Variants in THSD7B observed in about 807,000 individuals in gnomAD.
THSD7B encodes thrombospondin type 1 domain containing 7B.
Under a neutral mutation model 213.6 loss-of-function variants are expected in THSD7B, and 138 were observed. The observed-to-expected ratio is 0.65, with a 90% CI of 0.56 to 0.74. The LOEUF (loss-of-function observed/expected upper bound fraction) is 0.74, where lower values mean the gene tolerates loss of function less well. Ranked by LOEUF, THSD7B falls within the 30% of genes least tolerant of loss-of-function variation. THSD7B has a pLI of 0.00. For missense variants in THSD7B, 1,931 were observed against 1,991.5 expected, an observed-to-expected ratio of 0.97 and a Z score of 0.58; for synonymous variants, 742 against 687.0, an observed-to-expected ratio of 1.08 and a Z score of -1.25.
rs1391162944 is a variant in THSD7B, at chr2:137,057,134, A to G, written c.854A>G (p.Lys285Arg). The G allele has an allele frequency of 6.2e-7, 1 of 1,614,004 alleles. No individual in the cohort carries two copies. The highest frequency in any genetic ancestry group is 1.1e-5 in the South Asian group (1 of 91,076). Residue 285 changes from lysine to arginine, a missense_variant, in exon 3 of 28, where the codon AAA (lysine) becomes AGA (arginine). By Grantham distance (26) the Lys-to-Arg change is conservative (BLOSUM62 2). Transcript: ENST00000409968. ...ERVTFKHQSY[K>R]AHHHSKSWAI... is the part of the protein sequence containing the mutation. ...GTCACCTTTAAACATCAAAGTTACA[A>G]AGCACATCATCATTCGAAGTCTTGG...
chr2:137,109,184 G>A (rs1688304080), intron 4 of THSD7B, among the ~76,000 whole-genome samples: 1 of 151,948 alleles, frequency 6.6e-6, no homozygotes, highest in African/African-American at 2.4e-5. Context: ...CACCTCCCTG[G>A]CTCCCACAGC....
At chr2:137,433,765 A>G (rs1024925219) in intron 14 of THSD7B, among the ~76,000 whole-genome samples, 1 of 152,094 alleles carries the variant, frequency 6.6e-6, no homozygotes, top group Non-Finnish European at 1.5e-5. Flanking sequence ...TAAAATGTAT[A>G]CTTTATATAA....
intron 12 of THSD7B, among the ~76,000 whole-genome samples, chr2:137,401,502 T>C (rs1686360165): frequency 6.6e-6 from 1 of 152,218 alleles, no homozygotes; most frequent in Admixed American, 6.5e-5. Context: ...AACTTTTTAG[T>C]GTTTTCATTT....
chr2:137,411,991 A>G (rs982292058), intron 14 of THSD7B, 119 bp downstream of exon 14: 10 of 1,165,762 alleles, frequency 8.6e-6, no homozygotes, highest in African/African-American at 3.1e-5. Context: ...TCCTTTGTCA[A>G]TAACACATTG....
chr2:137,575,537 C>A (rs1340866829), intron 17 of THSD7B, among the ~76,000 whole-genome samples: 1 of 151,842 alleles, frequency 6.6e-6, no homozygotes, highest in Non-Finnish European at 1.5e-5. Context: ...AATTGCAAAC[C>A]ATACAGAAGA....
chr2:136,936,478 T>A (rs938873315), intron 2 of THSD7B, among the ~76,000 whole-genome samples: 1 of 152,214 alleles, frequency 6.6e-6, no homozygotes, highest in African/African-American at 2.4e-5. Context: ...TATGATGGAA[T>A]ACTACTCAGC....
At chr2:137,363,754 C>A (rs1019819599) in intron 12 of THSD7B, among the ~76,000 whole-genome samples, 1 of 152,156 alleles carries the variant, frequency 6.6e-6, no homozygotes, top group Non-Finnish European at 1.5e-5. Flanking sequence ...CAATAGCATA[C>A]CAACCAAAAA....
At chr2:137,625,028 A>G (rs1439750059) in intron 20 of THSD7B, among the ~76,000 whole-genome samples, 1 of 152,174 alleles carries the variant, frequency 6.6e-6, no homozygotes, top group African/African-American at 2.4e-5. Context: ...ATGCACATGT[A>G]TGTTTATTGT....
chr2:137,440,942 T>C (rs2105053395), intron 14 of THSD7B, among the ~76,000 whole-genome samples: 1 of 152,230 alleles, frequency 6.6e-6, no homozygotes, highest in Non-Finnish European at 1.5e-5. Flanking sequence ...CAATTGCTGA[T>C]GCTTAGGATT....
At chr2:137,303,930 G>A (rs1371752106) in intron 12 of THSD7B, among the ~76,000 whole-genome samples, 2 of 150,978 alleles carry the variant, frequency 1.3e-5, no homozygotes, top group East Asian at 3.9e-4. Context: ...TCTACATTAG[G>A]TATTTCTCCT....
chr2:136,833,364 A>G (rs867118478), intron 1 of THSD7B, among the ~76,000 whole-genome samples: 79 of 21,418 alleles, frequency 3.7e-3, no homozygotes, highest in African/African-American at 8.9e-3. Context: ...ACTCCGTCTC[A>G]AAAAAAAAAA....
intron 17 of THSD7B, among the ~76,000 whole-genome samples, chr2:137,601,081 G>C (rs1682068027): frequency 6.6e-6 from 1 of 152,140 alleles, no homozygotes; most frequent in Non-Finnish European, 1.5e-5. Context: ...TTTATGCTTA[G>C]TGTTATTGTA....
intron 2 of THSD7B, among the ~76,000 whole-genome samples, chr2:136,916,513 C>T (rs903494164): frequency 1.3e-5 from 2 of 152,204 alleles, no homozygotes; most frequent in African/African-American, 4.8e-5. Flanking sequence ...TAGAAATTCA[C>T]TCAAAGTCAC....
intron 12 of THSD7B, among the ~76,000 whole-genome samples, chr2:137,317,672 T>C (rs769923835): frequency 1.3e-4 from 20 of 152,144 alleles, no homozygotes; most frequent in Non-Finnish European, 2.6e-4. Flanking sequence ...CCCAGAGCTT[T>C]GGAAGGTTGA....
intron 1 of THSD7B, among the ~76,000 whole-genome samples, chr2:136,857,249 G>C (rs1683191889): frequency 6.6e-6 from 1 of 152,182 alleles, no homozygotes; most frequent in South Asian, 2.1e-4. Flanking sequence ...CAAACAAAAT[G>C]ATCTGTCCTT....
intron 1 of THSD7B, among the ~76,000 whole-genome samples, chr2:136,842,341 C>G (rs567415811): frequency 6.6e-6 from 1 of 152,076 alleles, no homozygotes; most frequent in Non-Finnish European, 1.5e-5. Context: ...GTTCCTTGTC[C>G]AAAAATAATT....
intron 5 of THSD7B, among the ~76,000 whole-genome samples, chr2:137,119,914 C>T (rs1354690044): frequency 6.6e-6 from 1 of 152,076 alleles, no homozygotes; most frequent in African/African-American, 2.4e-5. Flanking sequence ...AGATATTCCA[C>T]CATCATTTGA....
At chr2:137,155,035 C>G (rs761148630) in intron 5 of THSD7B, among the ~76,000 whole-genome samples, 12 of 152,228 alleles carry the variant, frequency 7.9e-5, no homozygotes, top group Admixed American at 2.6e-4. Flanking sequence ...AATGAAAATT[C>G]CAGTTTAGAC....
intron 15 of THSD7B, among the ~76,000 whole-genome samples, chr2:137,556,669 C>G (rs112527830): frequency 6.6e-6 from 1 of 152,094 alleles, no homozygotes; most frequent in Non-Finnish European, 1.5e-5. Context: ...ATCATAATGA[C>G]AGGATCAAAT....
Sources: allele counts gnomAD v4.1 joint callset (sites outside exome capture counted in the v4.1 genomes callset), GRCh38; gene constraint gnomAD v4.1.1; transcripts MANE v1.5; gene names NCBI Gene and HGNC (gene_info 2026-07-23, HGNC 2026-07-21).